The following COX10 variants were observed in gnomAD, a reference collection of about 807,000 sequenced individuals.
COX10 encodes protoheme IX farnesyltransferase, mitochondrial.
In COX10, 27 loss-of-function variants were observed where a neutral mutation model predicts 37.3. The ratio of observed to expected loss-of-function variants is 0.72; its 90% CI spans 0.53 to 1.00. The LOEUF (loss-of-function observed/expected upper bound fraction) is 1.00. Ranked by LOEUF, COX10 falls within the 50% of genes least tolerant of loss-of-function variation. COX10 has a pLI of 0.00. For missense variants in COX10, 475 were observed against 563.2 expected (o/e 0.84, Z 1.59); for synonymous variants, 222 against 229.1 (o/e 0.97, Z 0.28).
intron 5 of COX10, among the ~76,000 whole-genome samples, chr17:14,165,367 G>A (rs997776735): frequency 6.6e-6 from 1 of 152,120 alleles, no homozygotes; most frequent in Admixed American, 6.5e-5. Context: ...AATTCGTACA[G>A]TATTTCAAGC....
chr17:14,193,899 C>T (rs1009415582), intron 6 of COX10, among the ~76,000 whole-genome samples: 4 of 151,388 alleles, frequency 2.6e-5, no homozygotes, highest in Non-Finnish European at 5.9e-5. Flanking sequence ...ACTTCCTAGG[C>T]TGTGCATGGG....
intron 1 of COX10, 39 bp from the exon 2 acceptor site, chr17:14,074,284 A>C (rs1309208790): frequency 1.2e-6 from 2 of 1,613,506 alleles, no homozygotes; most frequent in South Asian, 2.2e-5. Context: ...AAGAAGTACG[A>C]ATCATTTAAC....
intron 5 of COX10, among the ~76,000 whole-genome samples, chr17:14,164,801 A>G (rs1031349346): frequency 6.6e-6 from 1 of 152,250 alleles, no homozygotes; most frequent in Admixed American, 6.5e-5. Context: ...CTATTCAGCT[A>G]GATCCAGAGA....
intron 4 of COX10, among the ~76,000 whole-genome samples, chr17:14,145,949 C>T (rs769243839): frequency 3.3e-5 from 5 of 152,028 alleles, no homozygotes; most frequent in Non-Finnish European, 7.4e-5. Flanking sequence ...ACTAAGGCTC[C>T]GTTAATGTTG....
intron 5 of COX10, among the ~76,000 whole-genome samples, chr17:14,187,108 T>G (rs1051116228): frequency 6.6e-6 from 1 of 152,044 alleles, no homozygotes; most frequent in Non-Finnish European, 1.5e-5. Context: ...AAGATGGTGC[T>G]CTCATATAGT....
At chr17:14,200,507 A>T (rs369357601) in intron 6 of COX10, among the ~76,000 whole-genome samples, 1 of 152,300 alleles carries the variant, frequency 6.6e-6, no homozygotes, top group East Asian at 1.9e-4. Flanking sequence ...CTGTTCTTAC[A>T]TACAGTACAG....
intron 3 of COX10, among the ~76,000 whole-genome samples, chr17:14,099,161 C>G (rs1036817687): frequency 6.6e-6 from 1 of 152,114 alleles, no homozygotes; most frequent in Non-Finnish European, 1.5e-5. Context: ...CTGTGCATGT[C>G]TCTCGTTTCT....
rs62055991 is a variant in COX10 at position 14,171,691 on chromosome 17, C to T, written c.695+11744C>T. ...CCTCCACCTACTCTAGTTTGGTGGT[C>T]CTTAATCTCCTCCTCATCTCACTTC... On this transcript the variant is annotated intron_variant, in intron 5 of 6. Coordinates refer to ENST00000261643, the MANE Select transcript of COX10 (RefSeq NM_001303.4). 5.4e-3 allele frequency among the ~76,000 whole-genome samples: 813 copies of T among 150,982 alleles called. 1 individual carries two copies. The highest frequency in any genetic ancestry group is 9.0e-3 in the Non-Finnish European group (608 of 67,854).
Position 14,102,115 on chromosome 17 carries a change from C to T in COX10, c.500-3C>T, listed in dbSNP as rs1915795755. 15 of 1,613,520 alleles carry T rather than the reference C, an allele frequency of 9.3e-6. No individual in the cohort carries two copies. Among genetic ancestry groups the T allele is most frequent in the Non-Finnish European group, 1.2e-5 (14 of 1,179,638 alleles). ...GTGTGTCTGCTCTGTTTCTGTATCGCAGCTCTGGTTGTAAGTACCACTGCA... is the reference window on the plus strand; with the variant it reads ...GTGTGTCTGCTCTGTTTCTGTATCGTAGCTCTGGTTGTAAGTACCACTGCA... On this transcript the variant is annotated splice_region_variant and splice_polypyrimidine_tract_variant and intron_variant, in intron 3 of 6. Coordinates refer to ENST00000261643, the MANE Select transcript of COX10 (RefSeq NM_001303.4).
At chr17:14,201,037 A>T (rs1053570190) in intron 6 of COX10, among the ~76,000 whole-genome samples, 6 of 152,196 alleles carry the variant, frequency 3.9e-5, no homozygotes, top group African/African-American at 1.4e-4. Context: ...TTGAAAACAG[A>T]CTGTGCCTAT....
At chr17:14,204,310 G>A (rs1415361875) in intron 6 of COX10, among the ~76,000 whole-genome samples, 1 of 151,750 alleles carries the variant, frequency 6.6e-6, no homozygotes, top group African/African-American at 2.4e-5. Context: ...TTTCCCCTTG[G>A]ATGTCCCAAA....
chr17:14,185,931 T>C (rs973107653), intron 5 of COX10, among the ~76,000 whole-genome samples: 1 of 151,842 alleles, frequency 6.6e-6, no homozygotes, highest in Non-Finnish European at 1.5e-5. Flanking sequence ...CAAAGAGTCG[T>C]TCAGTGGGAG....
chr17:14,131,040 T>G (rs999887846), intron 4 of COX10, among the ~76,000 whole-genome samples: 1 of 152,158 alleles, frequency 6.6e-6, no homozygotes, highest in Non-Finnish European at 1.5e-5. Flanking sequence ...TCATAGTGGC[T>G]TAGTAAAATT....
intron 4 of COX10, among the ~76,000 whole-genome samples, chr17:14,122,503 C>T (rs1916252563): frequency 6.6e-6 from 1 of 152,124 alleles, no homozygotes; most frequent in Admixed American, 6.5e-5. Context: ...TTAATACAAT[C>T]ATATATGATT....
At chr17:14,137,786 T>C (rs1904418226) in intron 4 of COX10, among the ~76,000 whole-genome samples, 1 of 152,082 alleles carries the variant, frequency 6.6e-6, no homozygotes, top group Non-Finnish European at 1.5e-5. Flanking sequence ...GTACCAGTTA[T>C]TGAATGCATT....
chr17:14,186,533 G>T (rs571117529), intron 5 of COX10, among the ~76,000 whole-genome samples: 12 of 151,784 alleles, frequency 7.9e-5, no homozygotes, highest in African/African-American at 2.2e-4. Context: ...TGACTGCCCC[G>T]TGTTCCCTGC....
At chr17:14,197,458 T>C (rs945843624) in intron 6 of COX10, among the ~76,000 whole-genome samples, 2 of 152,204 alleles carry the variant, frequency 1.3e-5, no homozygotes, top group Non-Finnish European at 2.9e-5. Flanking sequence ...TACTTTGACT[T>C]TTTAAAAATC....
intron 4 of COX10, among the ~76,000 whole-genome samples, chr17:14,122,921 C>A (rs1381928625): frequency 6.6e-6 from 1 of 152,140 alleles, no homozygotes; most frequent in African/African-American, 2.4e-5. Flanking sequence ...ACATGGCATC[C>A]GCCCACTTCA....
intron 4 of COX10, among the ~76,000 whole-genome samples, chr17:14,124,546 A>G (rs1916294241): frequency 6.6e-6 from 1 of 152,180 alleles, no homozygotes; most frequent in Non-Finnish European, 1.5e-5. Context: ...TTGTTCTCAC[A>G]GTTCATGTTG....
Sources: gnomAD v4.1 joint callset for allele counts (sites outside exome capture counted in the v4.1 genomes callset) on GRCh38, gnomAD v4.1.1 for gene constraint, MANE v1.5 for transcripts, NCBI Gene and HGNC (gene_info 2026-07-23, HGNC 2026-07-21) for gene names.